Variants in RILPL2 observed in about 807,000 individuals in gnomAD.
RILPL2 encodes Rab interacting lysosomal protein like 2.
A neutral mutation model predicts 22.2 loss-of-function variants in RILPL2; 19 were observed. That is an observed-to-expected ratio of 0.86 (90% confidence interval 0.60 to 1.25). RILPL2 has a LOEUF of 1.25. Among genes scored for constraint, RILPL2 ranks in the 50% most tolerant of loss-of-function variants. The pLI, the probability that RILPL2 is intolerant of heterozygous loss-of-function variation, is 0.00. For missense variants in RILPL2, 243 were observed against 263.6 expected, an observed-to-expected ratio of 0.92 and a Z score of 0.54; for synonymous variants, 123 against 111.6, an observed-to-expected ratio of 1.10 and a Z score of -0.64.
At chr12:123,426,669 C>A (rs957160229) in intron 2 of RILPL2, among the ~76,000 whole-genome samples, 1 of 150,712 alleles carries the variant, frequency 6.6e-6, no homozygotes, top group Admixed American at 6.6e-5. Context: ...GGCGCGATCT[C>A]GGCTCACTGC....
downstream of RILPL2, chr12:123,414,040 A>C (rs528203464): frequency 1.9e-5 from 3 of 153,854 alleles, no homozygotes; most frequent in African/African-American, 7.2e-5. Context: ...TCAGGAGCCC[A>C]GCTGGCTTCA....
At chr12:123,431,695 A>G (rs142083491) in intron 1 of RILPL2, among the ~76,000 whole-genome samples, 5,386 of 150,606 alleles carry the variant, frequency 0.036, 319 homozygotes, top group African/African-American at 0.12. Flanking sequence ...GCGTGGTGGC[A>G]GGCGCCTGTA....
In RILPL2 at chr12:123,415,578, C is replaced by T. The variant is rs1879093501; in HGVS notation, c.*313G>A. 5 of 430,712 alleles carry T rather than the reference C, an allele frequency of 1.2e-5. No individual in the cohort carries two copies. Among genetic ancestry groups the T allele is most frequent in the South Asian group, 6.7e-5 (2 of 29,890 alleles). 26.7% of individuals were successfully genotyped at this position (430,712 alleles called of 1,614,324 possible). A position where few individuals can be genotyped will look rare whatever the true frequency, so the allele number is the denominator to read the frequency against. On this transcript the variant is annotated 3_prime_UTR_variant, in exon 4 of 4. Transcript: ENST00000280571. ...TCCGTGGGAGCAGATGAGTAGGACA[C>T]GCGTCTGCACGCTGGAGGCCCTGGG...
rs1382091389 is a variant in RILPL2, at chr12:123,436,618, C to G, written c.-198G>C. On this transcript the variant is annotated 5_prime_UTR_variant, in exon 1 of 4. Coordinates refer to ENST00000280571, the MANE Select transcript of RILPL2 (RefSeq NM_145058.3). This position sits in a 1 kb window ranked among gnomAD's most constrained non-coding sequence, Gnocchi z 6.7. Reference sequence around the variant, plus strand: ...GGCCTGCGCCCCGGCGCACCGTCCCCGCTGCCAGCCACGCTGGAGAGTGCG... The same window carrying G: ...GGCCTGCGCCCCGGCGCACCGTCCCGGCTGCCAGCCACGCTGGAGAGTGCG... The G allele has an allele frequency of 3.5e-6, 3 of 858,992 alleles. No homozygotes were observed. Among genetic ancestry groups the G allele is most frequent in the Admixed American group, 2.9e-5 (1 of 34,014 alleles). The allele number at this position is 858,992 out of a possible 1,614,324, so 53.2% of individuals were successfully genotyped here. A position where few individuals can be genotyped will look rare whatever the true frequency, so the allele number is the denominator to read the frequency against.
Position 123,436,455 on chromosome 12 carries a change from G to A in RILPL2, c.-35C>T. On this transcript the variant is annotated 5_prime_UTR_variant, in exon 1 of 4. Coordinates refer to ENST00000280571, the MANE Select transcript of RILPL2 (RefSeq NM_145058.3). This position sits in a 1 kb window ranked among gnomAD's most constrained non-coding sequence, Gnocchi z 6.7. ...GACCCCCGCCGACCTCGGAGCTGCT[G>A]TCTTGGAGTCTCCCAAAGGTTAGAC... The A allele has an allele frequency of 6.5e-7, 1 of 1,533,884 alleles. No homozygotes were observed. The highest frequency in any genetic ancestry group is 8.7e-7 in the Non-Finnish European group (1 of 1,142,950).
chr12:123,425,482 T>C lies in RILPL2; in HGVS notation c.492-2325A>G, dbSNP rs372142566. On this transcript the variant is annotated intron_variant, in intron 2 of 3. Coordinates refer to ENST00000280571, the MANE Select transcript of RILPL2 (RefSeq NM_145058.3). ...GTGTGAGCCATCGTGCCTGGCCGAA[T>C]TGTGTGTCTTTAATAAAAATTCCTG... 1.3e-4 allele frequency among the ~76,000 whole-genome samples: 19 copies of C among 151,734 alleles called. No homozygotes were observed. In the South Asian group the frequency reaches 2.7e-3, roughly 22 times the overall value.
At chr12:123,432,746 C>A (rs1392494405) in intron 1 of RILPL2, among the ~76,000 whole-genome samples, 1 of 152,154 alleles carries the variant, frequency 6.6e-6, no homozygotes, top group African/African-American at 2.4e-5. Context: ...TCCTCCATAT[C>A]CTTGTGCCCG....
At chr12:123,414,168 G>C (rs1435148390), downstream of RILPL2, 1 of 153,062 alleles carries the variant, frequency 6.5e-6, no homozygotes, top group Non-Finnish European at 1.5e-5. Context: ...GCAGGGGGTG[G>C]GGCTCGTGGA....
Position 123,430,551 on chromosome 12 carries a change from A to G in RILPL2, c.448T>C (p.Ser150Pro). Reference sequence around the variant, plus strand: ...TCTTCCTGCACCACCAGGAGCTGCGACTTGAGTTTGTTGCGTTCCTGCAGC... The same window carrying G: ...TCTTCCTGCACCACCAGGAGCTGCGGCTTGAGTTTGTTGCGTTCCTGCAGC... ...DVLQERNKLK[S>P]QLLVVQEELQ... is the part of the protein sequence containing the mutation. The change falls in exon 2 of 4, where the codon TCG (serine) becomes CCG (proline). Residue 150 changes from serine to proline, a missense_variant. Physicochemically the swap from Ser to Pro is moderately conservative, Grantham distance 74. Transcript: ENST00000280571. 1 of 1,612,652 alleles carries G rather than the reference A, an allele frequency of 6.2e-7. No individual in the cohort carries two copies. The highest frequency in any genetic ancestry group is 8.5e-7 in the Non-Finnish European group (1 of 1,179,084).
chr12:123,429,614 G>GC (rs1452124633), intron 2 of RILPL2, among the ~76,000 whole-genome samples: 2 of 147,166 alleles, frequency 1.4e-5, no homozygotes, highest in East Asian at 4.0e-4. Context: ...GTTTTGTTTC[G>GC]TTTTTTTTTT....
intron 2 of RILPL2, among the ~76,000 whole-genome samples, chr12:123,425,295 G>C (rs528914144): frequency 9.2e-5 from 14 of 151,982 alleles, no homozygotes; most frequent in Non-Finnish European, 2.1e-4. Flanking sequence ...TCCTGCCTCA[G>C]CCTCCCGAGT....
At chr12:123,429,121 G>A (rs1159797114) in intron 2 of RILPL2, among the ~76,000 whole-genome samples, 2 of 151,764 alleles carry the variant, frequency 1.3e-5, no homozygotes, top group African/African-American at 2.4e-5. Flanking sequence ...TTTTGTATAT[G>A]GTACCACTGC....
In RILPL2 at chr12:123,415,907, G is replaced by A. The variant is rs780646616; in HGVS notation, c.620C>T (p.Ser207Leu). 42 of 1,613,910 alleles carry A rather than the reference G, an allele frequency of 2.6e-5. No individual in the cohort carries two copies. Among genetic ancestry groups the A allele is most frequent in the East Asian group, 8.9e-5 (4 of 44,896 alleles). ...TIIKKLFFFR[S>L]GKQT Reference sequence around the variant, plus strand: ...GCCTTGGATCTAGGTCTGTTTCCCCGATCGAAAAAAGAACCTGGTGTGGAG... The same window carrying A: ...GCCTTGGATCTAGGTCTGTTTCCCCAATCGAAAAAAGAACCTGGTGTGGAG... Residue 207 changes from serine to leucine, a missense_variant, in exon 4 of 4, where the codon TCG (serine) becomes TTG (leucine). Transcript: ENST00000280571.
intron 2 of RILPL2, among the ~76,000 whole-genome samples, chr12:123,430,185 A>T (rs150108949): frequency 1.4e-5 from 2 of 144,780 alleles, no homozygotes; most frequent in African/African-American, 2.6e-5. Context: ...CAAGGTGGGC[A>T]GATCAGGAGG....
chr12:123,419,613 T>C (rs1879218545), intron 3 of RILPL2, among the ~76,000 whole-genome samples: 2 of 150,202 alleles, frequency 1.3e-5, no homozygotes, highest in Non-Finnish European at 3.0e-5. Context: ...TTTCTTTTTT[T>C]TTTTTTTTTT....
intron 1 of RILPL2, among the ~76,000 whole-genome samples, chr12:123,433,664 G>A (rs1253492883): frequency 6.6e-6 from 1 of 151,966 alleles, no homozygotes; most frequent in African/African-American, 2.4e-5. Context: ...TGCCTGCCTC[G>A]ACCTCCCAAA....
intron 2 of RILPL2, among the ~76,000 whole-genome samples, chr12:123,426,590 C>CTTTT (rs1415402000): frequency 6.6e-6 from 1 of 151,904 alleles, no homozygotes; most frequent in East Asian, 1.9e-4. Context: ...CCAATGATGA[C>CTTTT]TCTTTCTTTC....
chr12:123,431,667 T>A (rs1263320177), intron 1 of RILPL2, among the ~76,000 whole-genome samples: 1 of 151,312 alleles, frequency 6.6e-6, no homozygotes, highest in Non-Finnish European at 1.5e-5. Flanking sequence ...ACTAAAAAAA[T>A]ACAAAAAAGT....
At chr12:123,423,219 T>TTTTTTG in intron 2 of RILPL2, 62 bp from the exon 3 acceptor site, 1 of 1,115,980 alleles carries the variant, frequency 9.0e-7, no homozygotes, top group African/African-American at 1.6e-5. Context: ...TTTTTTTTTT[T>TTTTTTG]GAGTTGGAGT....
Sources: gnomAD v4.1 joint callset for allele counts (sites outside exome capture counted in the v4.1 genomes callset) on GRCh38, gnomAD v4.1.1 for gene constraint, Gnocchi (gnomAD v3.1) non-coding constraint, MANE v1.5 for transcripts, NCBI Gene and HGNC (gene_info 2026-07-23, HGNC 2026-07-21) for gene names.